TMCC1: variants seen among roughly 807,000 people sequenced by gnomAD.
The protein encoded by TMCC1 is transmembrane and coiled-coil domain family 1, also known as transmembrane and coiled-coil domains protein 1.
In TMCC1, 15 loss-of-function variants were observed where a neutral mutation model predicts 52.4. The observed-to-expected ratio is 0.29, with a 90% CI of 0.19 to 0.44. TMCC1 has a LOEUF of 0.44. Among genes scored for constraint, TMCC1 ranks in the 20% least tolerant of loss-of-function variants. TMCC1 has a pLI of 1.00. For missense variants in TMCC1, 503 were observed against 806.0 expected (o/e 0.62, Z 4.55); for synonymous variants, 279 against 301.9 (o/e 0.92, Z 0.79).
chr3:129,696,743 C>T (rs1576481676), intron 4 of TMCC1, among the ~76,000 whole-genome samples: 2 of 152,134 alleles, frequency 1.3e-5, no homozygotes, highest in African/African-American at 4.8e-5. Flanking sequence ...GTAAATACAC[C>T]CATTCCACAT....
chr3:129,815,886 C>G (rs2058071887), intron 4 of TMCC1, among the ~76,000 whole-genome samples: 1 of 152,066 alleles, frequency 6.6e-6, no homozygotes, highest in Non-Finnish European at 1.5e-5. Flanking sequence ...ATAAGGAACT[C>G]AAAACAATAG....
At chr3:129,852,695 C>A (rs189266257) in intron 2 of TMCC1, among the ~76,000 whole-genome samples, 159 of 152,236 alleles carry the variant, frequency 1.0e-3, no homozygotes, top group African/African-American at 3.4e-3. Flanking sequence ...GGTAAATTTT[C>A]TGTTACGTGT....
chr3:129,782,301 G>A (rs1164763896), intron 4 of TMCC1, among the ~76,000 whole-genome samples: 1 of 152,130 alleles, frequency 6.6e-6, no homozygotes, highest in African/African-American at 2.4e-5. Flanking sequence ...TCAAAGGACA[G>A]GATGATAATG....
chr3:129,808,375 G>A (rs2057587863), intron 4 of TMCC1, among the ~76,000 whole-genome samples: 2 of 151,870 alleles, frequency 1.3e-5, no homozygotes, highest in Non-Finnish European at 2.9e-5. Context: ...CTAGCTACTC[G>A]GGAGGCTGAG....
chr3:129,828,096 C>T lies in TMCC1; in HGVS notation c.283G>A (p.Val95Ile), dbSNP rs1481056566. 1.2e-6 allele frequency: 2 copies of T among 1,614,032 alleles called. No individual in the cohort carries two copies. Among genetic ancestry groups the T allele is most frequent in the African/African-American group, 1.3e-5 (1 of 74,918 alleles). ...SQNACAEIDG[V>I]PTHPTALNRV... ...TTCAGAGCTGTGGGGTGGGTGGGGA[C>T]ACCATCAATCTCAGCACATGCGTTC... is the stretch of plus-strand genomic sequence containing the variant. Residue 95 changes from valine to isoleucine, a missense_variant, in exon 4 of 7, where the codon GTC becomes ATC. Val to Ile is a conservative substitution (Grantham distance 29). Transcript: ENST00000393238. This position sits in a 1 kb window ranked among gnomAD's most constrained non-coding sequence, Gnocchi z 4.1.
At chr3:129,725,300 TG>T (rs1362021606) in intron 4 of TMCC1, among the ~76,000 whole-genome samples, 2 of 152,024 alleles carry the variant, frequency 1.3e-5, no homozygotes, top group East Asian at 3.9e-4. Flanking sequence ...TTAGTAGAGA[TG>T]GGGTTTCACC....
intron 4 of TMCC1, among the ~76,000 whole-genome samples, chr3:129,770,861 TAC>T (rs1450358849): frequency 6.6e-6 from 1 of 152,240 alleles, no homozygotes. Context: ...AAAGACTGAG[TAC>T]AGTTAGGTTA....
chr3:129,675,070 C>T (rs1287843516), intron 4 of TMCC1, among the ~76,000 whole-genome samples: 1 of 152,138 alleles, frequency 6.6e-6, no homozygotes, highest in African/African-American at 2.4e-5. Context: ...GAATTCCTGA[C>T]CCCCAGTGAT....
chr3:129,786,786 T>C (rs1399054996), intron 4 of TMCC1, among the ~76,000 whole-genome samples: 1 of 152,224 alleles, frequency 6.6e-6, no homozygotes, highest in Admixed American at 6.5e-5. Flanking sequence ...ATCTGTTTTG[T>C]ATGAGGTAAA....
At chr3:129,724,284 G>C (rs1363517353) in intron 4 of TMCC1, among the ~76,000 whole-genome samples, 1 of 152,150 alleles carries the variant, frequency 6.6e-6, no homozygotes, top group Admixed American at 6.5e-5. Flanking sequence ...AAAATACTTT[G>C]AATCCCAAAC....
intron 4 of TMCC1, among the ~76,000 whole-genome samples, chr3:129,764,753 GTGTGTATATATATATATATATA>G (rs2053940042): frequency 2.2e-4 from 1 of 4,610 alleles, no homozygotes; most frequent in Non-Finnish European, 4.9e-4. Flanking sequence ...GTGTGTGTGT[GTGTGTATATATATATATATATA>G]TATATATATA....
Position 129,813,828 on chromosome 3 carries a change from C to T in TMCC1, c.576+13975G>A, listed in dbSNP as rs187244822. Among the ~76,000 whole-genome samples, 31 of 151,914 alleles carry T rather than the reference C, an allele frequency of 2.0e-4. No individual in the cohort carries two copies. The East Asian group carries it at 5.8e-3, about 28-fold the overall frequency. ...TAAAAAAAAAAAAGATGAAGCTATT[C>T]CATTTCTACTGAAGAAGAGATTATT... On this transcript the variant is annotated intron_variant, in intron 4 of 6. Coordinates refer to ENST00000393238, the MANE Select transcript of TMCC1 (RefSeq NM_001017395.5).
At chr3:129,770,182 CA>C (rs1302723747) in intron 4 of TMCC1, among the ~76,000 whole-genome samples, 1 of 151,896 alleles carries the variant, frequency 6.6e-6, no homozygotes, top group East Asian at 1.9e-4. Flanking sequence ...AATTAAAGAG[CA>C]AAAAAATTCT....
chr3:129,652,507 A>T (rs1210556066), intron 6 of TMCC1, among the ~76,000 whole-genome samples: 2 of 152,084 alleles, frequency 1.3e-5, no homozygotes, highest in Non-Finnish European at 2.9e-5. Flanking sequence ...GACAGAATGG[A>T]CTCTTTGTGG....
intron 4 of TMCC1, among the ~76,000 whole-genome samples, chr3:129,728,628 T>A (rs1047591058): frequency 6.6e-6 from 1 of 152,134 alleles, no homozygotes; most frequent in Non-Finnish European, 1.5e-5. Context: ...CAGAATTTAC[T>A]TTTTACGTAT....
intron 4 of TMCC1, among the ~76,000 whole-genome samples, chr3:129,720,486 T>A (rs1576575356): frequency 6.6e-6 from 1 of 151,662 alleles, no homozygotes; most frequent in Non-Finnish European, 1.5e-5. Context: ...AAAGAAAAAA[T>A]AAAATAAAAC....
chr3:129,822,624 G>A (rs1211997489), intron 4 of TMCC1, among the ~76,000 whole-genome samples: 2 of 151,970 alleles, frequency 1.3e-5, no homozygotes, highest in East Asian at 3.9e-4. Flanking sequence ...TCAATTCTCT[G>A]GCATTCTTCA....
chr3:129,802,670 C>T (rs1480390766), intron 4 of TMCC1, among the ~76,000 whole-genome samples: 1 of 152,142 alleles, frequency 6.6e-6, no homozygotes, highest in Non-Finnish European at 1.5e-5. Flanking sequence ...GTAACCAAGA[C>T]AGTATTCCTG....
At chr3:129,717,571 C>G (rs1318150723) in intron 4 of TMCC1, among the ~76,000 whole-genome samples, 1 of 152,160 alleles carries the variant, frequency 6.6e-6, no homozygotes, top group East Asian at 1.9e-4. Context: ...CAGCACTTTC[C>G]CACAAAACCT....
Sources: allele counts gnomAD v4.1 joint callset (sites outside exome capture counted in the v4.1 genomes callset), GRCh38; gene constraint gnomAD v4.1.1; non-coding constraint Gnocchi (gnomAD v3.1); transcripts MANE v1.5; gene names NCBI Gene and HGNC (gene_info 2026-07-23, HGNC 2026-07-21).